Variants in SNAPC1 observed in about 807,000 individuals in gnomAD.
The protein encoded by SNAPC1 is snRNA-activating protein complex subunit 1.
In SNAPC1, 42 loss-of-function variants were observed where a neutral mutation model predicts 50.1. The ratio of observed to expected loss-of-function variants is 0.84; its 90% CI spans 0.65 to 1.08. The LOEUF is 1.08. Among genes scored for constraint, SNAPC1 ranks in the 50% least tolerant of loss-of-function variants. The pLI is 0.00. For missense variants in SNAPC1, 477 were observed against 427.3 expected (o/e 1.12, Z -1.02); for synonymous variants, 164 against 144.2 (o/e 1.14, Z -0.98).
At chr14:61,769,649 T>C (rs7141782) in intron 4 of SNAPC1, among the ~76,000 whole-genome samples, 140,800 of 152,092 alleles carry the variant, frequency 0.93, 66,003 homozygotes, top group Non-Finnish European at 1. Flanking sequence ...TGCCCACCTC[T>C]GTCTCCCAAA....
At position 61,793,661 on chromosome 14, in the gene SNAPC1, C is replaced by CTT. The variant is rs71117855; in HGVS notation, c.1072+771_1072+772dup. On this transcript the variant is annotated intron_variant, in intron 9 of 9. Coordinates refer to ENST00000216294, the MANE Select transcript of SNAPC1 (RefSeq NM_003082.4). ...ATATTTTTTTTTCTTTTCTTTTTTT[C>CTT]TTTTTTTTTTTTTGAGACAGAGTCT... 3.6e-3 allele frequency among the ~76,000 whole-genome samples: 465 copies of CTT among 130,464 alleles called. 14 individuals carry two copies. The highest frequency in any genetic ancestry group is 0.024 in the South Asian group (106 of 4,332). 85.6% of individuals were successfully genotyped at this position (130,464 alleles called of 152,430 possible).
intron 8 of SNAPC1, among the ~76,000 whole-genome samples, chr14:61,784,010 A>C (rs1486860771): frequency 1.3e-5 from 2 of 152,232 alleles, no homozygotes; most frequent in Non-Finnish European, 2.9e-5. Context: ...TATGAAGATA[A>C]GTTAACAGCC....
chr14:61,787,344 G>T (rs567699079), intron 8 of SNAPC1, among the ~76,000 whole-genome samples: 1 of 151,264 alleles, frequency 6.6e-6, no homozygotes, highest in Non-Finnish European at 1.5e-5. Context: ...ATAAGGAAAA[G>T]ATTGTTTAGT....
intron 7 of SNAPC1, among the ~76,000 whole-genome samples, chr14:61,780,841 T>TA (rs2045066322): frequency 6.6e-6 from 1 of 152,096 alleles, no homozygotes; most frequent in East Asian, 1.9e-4. Context: ...AGTGTGTCTG[T>TA]GGTTTCTGCA....
chr14:61,767,418 T>C, intron 3 of SNAPC1, 66 bp downstream of exon 3: 3 of 1,025,398 alleles, frequency 2.9e-6, no homozygotes, highest in Non-Finnish European at 4.0e-6. Context: ...CCATAAAACC[T>C]CTCAATCTCC....
rs753038887 is a variant in SNAPC1, at chr14:61,782,356, G to A, written c.935G>A (p.Arg312Lys). 2.1e-5 allele frequency: 34 copies of A among 1,613,464 alleles called. No homozygotes were observed. Among genetic ancestry groups the A allele is most frequent in the Middle Eastern group, 1.7e-4 (1 of 6,054 alleles). ...KATRKKEKKE[R>K]LKPAGRKMSL... ...ACTAGGAAAAAAGAGAAGAAAGAAA[G>A]ATTGAAACCAGCAGGAAGGAAGATG... The change falls in exon 8 of 10, where the codon AGA becomes AAA. Residue 312 changes from arginine (R) to lysine (K), a missense_variant. Transcript: ENST00000216294.
At chr14:61,779,623 A>G (rs2045057357) in intron 7 of SNAPC1, among the ~76,000 whole-genome samples, 1 of 148,676 alleles carries the variant, frequency 6.7e-6, no homozygotes, top group South Asian at 2.1e-4. Context: ...CTTTAAGGAT[A>G]TTAACTACAG....
chr14:61,795,084 C>T lies in SNAPC1; in HGVS notation c.*101C>T. 1.4e-6 allele frequency: 1 copy of T among 730,756 alleles called. No individual in the cohort carries two copies. The highest frequency in any genetic ancestry group is 2.2e-6 in the Non-Finnish European group (1 of 447,092). The allele number at this position is 730,756 out of a possible 1,614,324, so 45.3% of individuals were successfully genotyped here. A position where few individuals can be genotyped will look rare whatever the true frequency, so the allele number is the denominator to read the frequency against. On this transcript the variant is annotated 3_prime_UTR_variant, in exon 10 of 10. Coordinates refer to ENST00000216294, the MANE Select transcript of SNAPC1 (RefSeq NM_003082.4). ...GAAGACTGCCAGTATTAAAAAAATC[C>T]TTCTGGGAATCTGTAGGTTATTTCT...
rs2045183562 is a variant in SNAPC1, at chr14:61,795,607, AC to A, written c.*625del. 1 of 152,244 alleles carries A rather than the reference AC, an allele frequency of 6.6e-6. No individual in the cohort carries two copies. Among genetic ancestry groups the A allele is most frequent in the South Asian group, 2.1e-4 (1 of 4,834 alleles). The allele number at this position is 152,244 out of a possible 1,614,324, so 9.4% of individuals were successfully genotyped here. ...AAATACTAATTAAGTACTAACAAGTACTTAAATACTAATGTATTAAGTATTT... is the reference window on the plus strand; with the variant it reads ...AAATACTAATTAAGTACTAACAAGTATTAAATACTAATGTATTAAGTATTT... On this transcript the variant is annotated 3_prime_UTR_variant, in exon 10 of 10. Coordinates refer to ENST00000216294, the MANE Select transcript of SNAPC1 (RefSeq NM_003082.4).
intron 8 of SNAPC1, among the ~76,000 whole-genome samples, chr14:61,782,803 G>A (rs1043600345): frequency 3.9e-5 from 6 of 152,046 alleles, no homozygotes; most frequent in Non-Finnish European, 8.8e-5. Context: ...CTACTTGGGA[G>A]GCTGAGGCAC....
chr14:61,776,009 T>C, intron 4 of SNAPC1, 86 bp from the exon 5 acceptor site: 2 of 1,009,656 alleles, frequency 2.0e-6, no homozygotes, highest in Non-Finnish European at 1.4e-6. Context: ...GAAGTCACTT[T>C]GGAAGGTGAC....
In SNAPC1 at chr14:61,784,654, G is replaced by A. The variant is rs569448133; in HGVS notation, c.976+2257G>A. 1.2e-4 allele frequency among the ~76,000 whole-genome samples: 18 copies of A among 152,294 alleles called. No individual in the cohort carries two copies. In the South Asian group the frequency reaches 3.7e-3, roughly 32 times the overall value. ...TGTAGTCCAGTAAAACTGTATAAAA[G>A]CAGGTGGTTGGTCACATTTGGTCCA... On this transcript the variant is annotated intron_variant, in intron 8 of 9. Coordinates refer to ENST00000216294, the MANE Select transcript of SNAPC1 (RefSeq NM_003082.4).
chr14:61,790,619 A>G (rs533096677), intron 8 of SNAPC1, among the ~76,000 whole-genome samples: 2 of 152,188 alleles, frequency 1.3e-5, no homozygotes, highest in African/African-American at 4.8e-5. Context: ...TTACAGGCGC[A>G]AGCCACCGCA....
chr14:61,764,106 G>C (rs1261418803), intron 1 of SNAPC1, among the ~76,000 whole-genome samples: 8 of 152,014 alleles, frequency 5.3e-5, no homozygotes, highest in Non-Finnish European at 1.5e-5. Context: ...GCTAATTTTT[G>C]TATTTTTAGT....
chr14:61,792,747 T>C lies in SNAPC1; in HGVS notation c.977-60T>C, dbSNP rs146071285. On this transcript the variant is annotated intron_variant, in intron 8 of 9. Coordinates refer to ENST00000216294, the MANE Select transcript of SNAPC1 (RefSeq NM_003082.4). ...AATAATGACAGTTTTTGTAAAATGT[T>C]TTCTCAAAGATTATAATATTCTTTG... 5.4e-3 allele frequency: 5,179 copies of C among 960,356 alleles called. 272 individuals are homozygous for C. The Admixed American group carries it at 0.11, about 21-fold the overall frequency. The allele number at this position is 960,356 out of a possible 1,614,324, so 59.5% of individuals were successfully genotyped here.
Position 61,767,372 on chromosome 14 carries a change from T to G in SNAPC1, c.429+20T>G, listed in dbSNP as rs778620560. 2.3e-5 allele frequency: 32 copies of G among 1,404,734 alleles called. No individual in the cohort carries two copies. Among genetic ancestry groups the G allele is most frequent in the Non-Finnish European group, 2.7e-5 (29 of 1,070,922 alleles). 87.0% of individuals were successfully genotyped at this position (1,404,734 alleles called of 1,614,324 possible). Reference sequence around the variant, plus strand: ...AAATTGGTATGTTGCCTAAAATAATTTGGTTTTTTCAAAATGAGCAATTAT... The same window carrying G: ...AAATTGGTATGTTGCCTAAAATAATGTGGTTTTTTCAAAATGAGCAATTAT... On this transcript the variant is annotated intron_variant, in intron 3 of 9. Transcript: ENST00000216294.
intron 4 of SNAPC1, among the ~76,000 whole-genome samples, chr14:61,769,616 C>G (rs1410437210): frequency 6.6e-6 from 1 of 151,990 alleles, no homozygotes; most frequent in Non-Finnish European, 1.5e-5. Context: ...CCAGGATGGT[C>G]TCGATCTCCT....
chr14:61,770,482 G>A (rs944087257), intron 4 of SNAPC1, among the ~76,000 whole-genome samples: 5 of 151,990 alleles, frequency 3.3e-5, no homozygotes, highest in African/African-American at 1.2e-4. Context: ...GGCCTCAAGC[G>A]ATCTGCCTGC....
intron 5 of SNAPC1, 138 bp from the exon 6 acceptor site, chr14:61,777,932 AGG>A (rs2045046606): frequency 2.0e-6 from 1 of 505,940 alleles, no homozygotes; most frequent in African/African-American, 2.0e-5. Flanking sequence ...TCTTAATGTT[AGG>A]TGGTATATAA....
Sources: gnomAD v4.1 joint callset for allele counts (sites outside exome capture counted in the v4.1 genomes callset) on GRCh38, gnomAD v4.1.1 for gene constraint, MANE v1.5 for transcripts, NCBI Gene and HGNC (gene_info 2026-07-23, HGNC 2026-07-21) for gene names.